RANBP17: variants seen among roughly 807,000 people sequenced by gnomAD.
RANBP17 encodes RAN binding protein 17, also known as ran-binding protein 17.
A neutral mutation model predicts 141.2 loss-of-function variants in RANBP17; 158 were observed. The ratio of observed to expected loss-of-function variants is 1.12; its 90% CI spans 0.98 to 1.28. RANBP17 has a LOEUF of 1.28. Among genes scored for constraint, RANBP17 ranks in the 50% most tolerant of loss-of-function variants. RANBP17 has a pLI of 0.00. For synonymous variants in RANBP17, 430 were observed against 450.0 expected (o/e 0.96, Z 0.56); for missense variants, 1,438 against 1,290.7 (o/e 1.11, Z -1.75).
At chr5:170,973,764 T>C (rs999469412) in intron 14 of RANBP17, among the ~76,000 whole-genome samples, 1 of 152,160 alleles carries the variant, frequency 6.6e-6, no homozygotes, top group African/African-American at 2.4e-5. Flanking sequence ...AAGTTCAAGA[T>C]CAAGGCTAGC....
At position 171,221,795 on chromosome 5, in the gene RANBP17, G is replaced by A; in HGVS notation, c.2377G>A (p.Gly793Arg). 1 of 1,611,312 alleles carries A rather than the reference G, an allele frequency of 6.2e-7. No homozygotes were observed. The highest frequency in any genetic ancestry group is 1.1e-5 in the South Asian group (1 of 90,924). ...RLNFDVSSPNGILLFREASKM... is the reference protein window; with the variant it reads ...RLNFDVSSPNRILLFREASKM... ...GAATTTTGATGTATCATCTCCTAATGGAATTCTTCTCTTCAGAGAAGCTAG... is the reference window on the plus strand; with the variant it reads ...GAATTTTGATGTATCATCTCCTAATAGAATTCTTCTCTTCAGAGAAGCTAG... Residue 793 changes from glycine to arginine, a missense_variant, in exon 22 of 28, where the codon GGA (glycine) becomes AGA (arginine). Gly to Arg is a moderately radical substitution (Grantham distance 125). Coordinates refer to ENST00000523189, the MANE Select transcript of RANBP17 (RefSeq NM_022897.5).
intron 14 of RANBP17, among the ~76,000 whole-genome samples, chr5:171,121,666 G>A (rs761133026): frequency 7.9e-5 from 12 of 152,200 alleles, no homozygotes; most frequent in Non-Finnish European, 1.6e-4. Flanking sequence ...GAGGACAGTG[G>A]GAGGTGGTTT....
intron 14 of RANBP17, among the ~76,000 whole-genome samples, chr5:171,086,137 C>T (rs1214461971): frequency 7.1e-6 from 1 of 141,672 alleles, no homozygotes; most frequent in Non-Finnish European, 1.5e-5. Context: ...AGATACGTCC[C>T]ATCAATACCT....
At chr5:171,107,348 C>A (rs1320579068) in intron 14 of RANBP17, among the ~76,000 whole-genome samples, 1 of 152,190 alleles carries the variant, frequency 6.6e-6, no homozygotes, top group Non-Finnish European at 1.5e-5. Context: ...ATCTTAGTCC[C>A]TACGACTCTG....
At chr5:170,919,929 CT>C (rs1472969487) in intron 11 of RANBP17, among the ~76,000 whole-genome samples, 3 of 151,818 alleles carry the variant, frequency 2.0e-5, no homozygotes, top group Non-Finnish European at 4.4e-5. Context: ...CAGTATGCAG[CT>C]TTTTAGTCTG....
At chr5:171,065,117 A>G (rs983906134) in intron 14 of RANBP17, among the ~76,000 whole-genome samples, 4 of 152,166 alleles carry the variant, frequency 2.6e-5, no homozygotes, top group Admixed American at 1.3e-4. Context: ...TGGTGCATAT[A>G]TAGATTTACT....
intron 25 of RANBP17, among the ~76,000 whole-genome samples, chr5:171,283,598 G>A (rs184624750): frequency 1.5e-4 from 23 of 152,266 alleles, no homozygotes; most frequent in African/African-American, 5.5e-4. Flanking sequence ...TATTTCTGAA[G>A]GGTCCCATGA....
chr5:171,147,973 A>G (rs1363675044), intron 14 of RANBP17, among the ~76,000 whole-genome samples: 1 of 152,170 alleles, frequency 6.6e-6, no homozygotes, highest in Non-Finnish European at 1.5e-5. Context: ...CAAAAGATTG[A>G]GAAATCGGAT....
intron 25 of RANBP17, among the ~76,000 whole-genome samples, chr5:171,293,301 T>C (rs1304512943): frequency 6.6e-6 from 1 of 152,218 alleles, no homozygotes; most frequent in Non-Finnish European, 1.5e-5. Context: ...TCTTACAGGC[T>C]GAATTTAAGA....
intron 14 of RANBP17, among the ~76,000 whole-genome samples, chr5:171,073,550 C>G (rs1383864565): frequency 1.3e-5 from 2 of 152,008 alleles, no homozygotes; most frequent in African/African-American, 4.8e-5. Flanking sequence ...GATGTATGAG[C>G]AGAGATTCAT....
At chr5:171,154,693 T>C (rs1427730304) in intron 14 of RANBP17, among the ~76,000 whole-genome samples, 2 of 152,216 alleles carry the variant, frequency 1.3e-5, no homozygotes, top group Non-Finnish European at 2.9e-5. Context: ...AGAAACAGCA[T>C]TGTCAAACAG....
At position 170,881,822 on chromosome 5, in the gene RANBP17, TC is replaced by T; in HGVS notation, c.184del (p.Ala63GlnfsTer28). On this transcript the variant is annotated frameshift_variant, in exon 3 of 28. Coordinates refer to ENST00000523189, the MANE Select transcript of RANBP17 (RefSeq NM_022897.5). LOFTEE classifies it high-confidence loss of function. Reference sequence around the variant, plus strand: ...TCTTTACAGACATCCTATGCTCAGCTCCTTGCAGCAACATGTCTTTCAAAAC... The same window carrying T: ...TCTTTACAGACATCCTATGCTCAGCTCTTGCAGCAACATGTCTTTCAAAAC... ...LEQGTTSYAQLLAATCLSKLV... is the reference protein window; with the variant it reads ...LEQGTTSYAQXLAATCLSKLV... 1 of 1,607,224 alleles carries T rather than the reference TC, an allele frequency of 6.2e-7. No homozygotes were observed.
At chr5:171,056,939 T>A (rs1311722944) in intron 14 of RANBP17, among the ~76,000 whole-genome samples, 2 of 152,172 alleles carry the variant, frequency 1.3e-5, no homozygotes, top group Admixed American at 6.6e-5. Context: ...AACAAAAATA[T>A]TTCATTTTTT....
At chr5:171,009,384 TC>T (rs1779873196) in intron 14 of RANBP17, among the ~76,000 whole-genome samples, 1 of 152,200 alleles carries the variant, frequency 6.6e-6, no homozygotes, top group Non-Finnish European at 1.5e-5. Flanking sequence ...TTGCTTATAA[TC>T]TAAATCTTAG....
At chr5:171,230,374 A>G (rs1271526244) in intron 22 of RANBP17, among the ~76,000 whole-genome samples, 4 of 152,222 alleles carry the variant, frequency 2.6e-5, no homozygotes. Flanking sequence ...AAGGAATTTC[A>G]AAATTGCTGA....
chr5:170,946,592 T>C (rs372183153), intron 12 of RANBP17, among the ~76,000 whole-genome samples: 18 of 152,188 alleles, frequency 1.2e-4, no homozygotes, highest in African/African-American at 4.3e-4. Flanking sequence ...TGTGGGCCTC[T>C]GACCACAACA....
chr5:170,911,216 T>G, intron 7 of RANBP17, 82 bp downstream of exon 7: 1 of 1,275,832 alleles, frequency 7.8e-7, no homozygotes, highest in Non-Finnish European at 1.1e-6. Flanking sequence ...TATAGTTATC[T>G]TTTTGCCAGG....
intron 16 of RANBP17, among the ~76,000 whole-genome samples, chr5:171,181,407 C>T (rs561070185): frequency 5.3e-5 from 8 of 151,572 alleles, no homozygotes; most frequent in Non-Finnish European, 7.4e-5. Flanking sequence ...GCTGAGATCA[C>T]GCCACTGCAC....
chr5:171,174,159 C>G (rs987749298), intron 16 of RANBP17, among the ~76,000 whole-genome samples: 11 of 152,114 alleles, frequency 7.2e-5, no homozygotes, highest in African/African-American at 2.7e-4. Context: ...CCATCAGATT[C>G]ATTACATGGG....
Sources: allele counts gnomAD v4.1 joint callset (sites outside exome capture counted in the v4.1 genomes callset), GRCh38; gene constraint gnomAD v4.1.1; transcripts MANE v1.5; gene names NCBI Gene and HGNC (gene_info 2026-07-23, HGNC 2026-07-21).